The following TBC1D22A variants were observed in gnomAD, a reference collection of about 807,000 sequenced individuals.
TBC1D22A encodes putative GTPase activator.
Under a neutral mutation model 60.2 loss-of-function variants are expected in TBC1D22A, and 38 were observed. The ratio of observed to expected loss-of-function variants is 0.63; its 90% CI spans 0.49 to 0.83. TBC1D22A has a LOEUF of 0.83. TBC1D22A is among the 40% of genes least tolerant of loss of function. TBC1D22A has a pLI of 0.00. For missense variants in TBC1D22A, 628 were observed against 701.0 expected (o/e 0.90, Z 1.18); for synonymous variants, 302 against 281.7 (o/e 1.07, Z -0.72).
chr22:46,847,845 A>T (rs1007434051), intron 4 of TBC1D22A, among the ~76,000 whole-genome samples: 1 of 152,194 alleles, frequency 6.6e-6, no homozygotes, highest in Admixed American at 6.5e-5. Context: ...GGACACTTTT[A>T]TGTAAAACAT....
intron 11 of TBC1D22A, among the ~76,000 whole-genome samples, chr22:47,105,397 G>A (rs1036882335): frequency 7.9e-5 from 12 of 152,102 alleles, no homozygotes; most frequent in Admixed American, 2.6e-4. Context: ...CAGAAATCTC[G>A]AGAAAATACA....
intron 10 of TBC1D22A, among the ~76,000 whole-genome samples, chr22:47,017,233 G>A (rs1275050424): frequency 6.6e-6 from 1 of 152,194 alleles, no homozygotes; most frequent in African/African-American, 2.4e-5. Flanking sequence ...GCTCTAGAGT[G>A]GAAAATTGCA....
At chr22:47,084,145 G>A (rs1026369533) in intron 11 of TBC1D22A, among the ~76,000 whole-genome samples, 4 of 152,190 alleles carry the variant, frequency 2.6e-5, no homozygotes, top group Non-Finnish European at 5.9e-5. Context: ...GTCTAGTATG[G>A]TGGCCATTAG....
intron 12 of TBC1D22A, among the ~76,000 whole-genome samples, chr22:47,129,189 G>A (rs984615824): frequency 2.0e-5 from 3 of 152,180 alleles, no homozygotes; most frequent in African/African-American, 7.2e-5. Context: ...AAAGTTAAGA[G>A]GCTGTTGGCC....
intron 1 of TBC1D22A, among the ~76,000 whole-genome samples, chr22:46,770,728 A>G (rs2083452838): frequency 6.6e-6 from 1 of 152,216 alleles, no homozygotes; most frequent in Non-Finnish European, 1.5e-5. Context: ...TTTCCTCAGA[A>G]TGTTGGCTGC....
chr22:47,077,771 C>CAG (rs2064286706), intron 11 of TBC1D22A, among the ~76,000 whole-genome samples: 1 of 152,178 alleles, frequency 6.6e-6, no homozygotes. Context: ...TCTGAGGGGT[C>CAG]AGAGAAGGCT....
At chr22:46,962,346 G>A (rs563868452) in intron 8 of TBC1D22A, among the ~76,000 whole-genome samples, 1 of 151,456 alleles carries the variant, frequency 6.6e-6, no homozygotes, top group African/African-American at 2.4e-5. Context: ...GAGCAGAGCT[G>A]AAAAGAAGGT....
At chr22:47,001,283 A>G (rs920477220) in intron 10 of TBC1D22A, among the ~76,000 whole-genome samples, 3 of 137,000 alleles carry the variant, frequency 2.2e-5, no homozygotes, top group Non-Finnish European at 4.6e-5. Context: ...CTGAAATTGT[A>G]TTTTTTTCTT....
intron 12 of TBC1D22A, among the ~76,000 whole-genome samples, chr22:47,128,821 GA>G (rs2066585809): frequency 6.6e-6 from 1 of 152,166 alleles, no homozygotes; most frequent in Admixed American, 6.5e-5. Context: ...TACTGCGTCC[GA>G]GGCAGATGGG....
chr22:46,979,482 T>C (rs995073439), intron 9 of TBC1D22A, among the ~76,000 whole-genome samples: 1 of 152,244 alleles, frequency 6.6e-6, no homozygotes, highest in Non-Finnish European at 1.5e-5. Context: ...AGCTCACAGC[T>C]GAAGCCAGCG....
At chr22:46,861,654 C>A (rs909930556) in intron 4 of TBC1D22A, among the ~76,000 whole-genome samples, 1 of 152,216 alleles carries the variant, frequency 6.6e-6, no homozygotes, top group Non-Finnish European at 1.5e-5. Context: ...TGCGCACCTC[C>A]CAGGAGGGGG....
chr22:46,875,532 G>T (rs1306115748), intron 4 of TBC1D22A, among the ~76,000 whole-genome samples: 1 of 151,734 alleles, frequency 6.6e-6, no homozygotes, highest in Non-Finnish European at 1.5e-5. Context: ...GCTCACTGCA[G>T]CCTCCGCCTC....
At chr22:46,968,205 C>T (rs1021926893) in intron 8 of TBC1D22A, among the ~76,000 whole-genome samples, 1 of 152,198 alleles carries the variant, frequency 6.6e-6, no homozygotes, top group Admixed American at 6.5e-5. Context: ...GGCATGGATG[C>T]TCCTTACTGA....
At chr22:47,162,645 CGTGGG>C (rs2068035621) in intron 12 of TBC1D22A, among the ~76,000 whole-genome samples, 1 of 52,532 alleles carries the variant, frequency 1.9e-5, no homozygotes, top group Admixed American at 2.2e-4. Flanking sequence ...CAGGGAGAGT[CGTGGG>C]AATGGGACTG....
chr22:47,050,739 G>A (rs2063181141), intron 11 of TBC1D22A, among the ~76,000 whole-genome samples: 2 of 151,704 alleles, frequency 1.3e-5, no homozygotes, highest in South Asian at 2.1e-4. Context: ...GAAGGGTCTT[G>A]TGAGGGCAGA....
chr22:46,900,325 T>C (rs1157540313), intron 7 of TBC1D22A, among the ~76,000 whole-genome samples: 1 of 152,108 alleles, frequency 6.6e-6, no homozygotes, highest in Non-Finnish European at 1.5e-5. Context: ...CTAATTTTTA[T>C]ATTTTTAATA....
chr22:46,857,990 T>C (rs913306333), intron 4 of TBC1D22A, among the ~76,000 whole-genome samples: 1 of 152,286 alleles, frequency 6.6e-6, no homozygotes, highest in African/African-American at 2.4e-5. Context: ...GGGGATATAC[T>C]GAGGAGTGGC....
chr22:46,781,950 C>T (rs184044061), intron 1 of TBC1D22A, among the ~76,000 whole-genome samples: 26 of 152,296 alleles, frequency 1.7e-4, no homozygotes, highest in Non-Finnish European at 3.1e-4. Flanking sequence ...AGTTTGGGGG[C>T]GATGAAATCT....
intron 7 of TBC1D22A, among the ~76,000 whole-genome samples, chr22:46,906,927 G>A (rs187273725): frequency 1.4e-4 from 22 of 152,134 alleles, no homozygotes; most frequent in African/African-American, 3.4e-4. Context: ...TCATGTGTGC[G>A]CGTGTGCTCT....
Sources: allele counts gnomAD v4.1 joint callset (sites outside exome capture counted in the v4.1 genomes callset), GRCh38; gene constraint gnomAD v4.1.1; transcripts MANE v1.5; gene names NCBI Gene and HGNC (gene_info 2026-07-23, HGNC 2026-07-21).